RNASEH1: variants seen among roughly 807,000 people sequenced by gnomAD.
The protein encoded by RNASEH1 is ribonuclease H type II.
RNASEH1 carries 27 observed loss-of-function variants against 34.6 expected under a neutral mutation model. The observed-to-expected ratio is 0.78, with a 90% CI of 0.58 to 1.08. RNASEH1 has a LOEUF of 1.08. RNASEH1 is among the 50% of genes least tolerant of loss of function. The pLI, the probability that RNASEH1 is intolerant of heterozygous loss-of-function variation, is 0.00. For synonymous variants in RNASEH1, 162 were observed against 138.4 expected, an observed-to-expected ratio of 1.17 and a Z score of -1.20; for missense variants, 349 against 373.6, an observed-to-expected ratio of 0.93 and a Z score of 0.54.
At chr2:3,552,026 A>G (rs951408272) in intron 3 of RNASEH1, 118 bp downstream of exon 3, 43 of 749,522 alleles carry the variant, frequency 5.7e-5, no homozygotes, top group African/African-American at 4.9e-4. Context: ...ATCTTTACAC[A>G]TAAGAATGAA....
chr2:3,547,830 ATTG>A lies in RNASEH1; in HGVS notation c.774+98_774+100del, dbSNP rs201828086. 593 of 1,137,112 alleles carry A rather than the reference ATTG, an allele frequency of 5.2e-4. 1 individual carries two copies. The East Asian group carries it at 9.7e-3, about 19-fold the overall frequency. 70.4% of individuals were successfully genotyped at this position (1,137,112 alleles called of 1,614,324 possible). The stretch of plus-strand genomic sequence containing the variant: ...ACATTATGATATTAATATCATGGAA[ATTG>A]TTATGTCATTAAACCACTTACATAA... On this transcript the variant is annotated intron_variant, in intron 7 of 7. Coordinates refer to ENST00000315212, the MANE Select transcript of RNASEH1 (RefSeq NM_002936.6).
At chr2:3,553,718 G>T (rs573215766) in intron 2 of RNASEH1, among the ~76,000 whole-genome samples, 18 of 152,256 alleles carry the variant, frequency 1.2e-4, no homozygotes, top group African/African-American at 2.9e-4. Flanking sequence ...CCACCTCAGG[G>T]TTATCTGGGA....
At chr2:3,532,286 A>G in the RNASEH1 span, 2 of 702,390 alleles carry the variant, frequency 2.8e-6, no homozygotes, top group South Asian at 3.0e-5. Flanking sequence ...ACAAAGAAAC[A>G]GTAGATCAGC....
chr2:3,533,042 C>G, the RNASEH1 span: 1 of 152,230 alleles, frequency 6.6e-6, no homozygotes, highest in Non-Finnish European at 1.5e-5. Context: ...AAATGTCACC[C>G]GGGCCTTTTC....
downstream of RNASEH1, among the ~76,000 whole-genome samples, chr2:3,540,672 G>A (rs553171296): frequency 1.3e-5 from 2 of 152,340 alleles, no homozygotes; most frequent in Non-Finnish European, 2.9e-5. Context: ...TTCCCAAAGT[G>A]CTGGGACTAC....
At position 3,541,694 on chromosome 2, in the gene RNASEH1, T is replaced by A. The variant is rs980100319; in HGVS notation, c.*4091A>T. ...TTAGTGAGAGGGAGCAGACCAGTGG[T>A]TGCCTGAACATGGAGGACACGAGGG... On this transcript the variant is annotated 3_prime_UTR_variant, in exon 8 of 8. Transcript: ENST00000315212. Among the ~76,000 whole-genome samples, 18 of 152,298 alleles carry A rather than the reference T, an allele frequency of 1.2e-4. No individual in the cohort carries two copies. In the East Asian group the frequency reaches 1.5e-3, roughly 13 times the overall value.
At chr2:3,550,100 G>A in intron 4 of RNASEH1, 1 of 380,474 alleles carries the variant, frequency 2.6e-6, no homozygotes, top group South Asian at 2.6e-5. Context: ...CTGTGTTTGT[G>A]CCACTGTACT....
downstream of RNASEH1, among the ~76,000 whole-genome samples, chr2:3,538,879 T>A (rs1668137546): frequency 6.6e-6 from 1 of 152,244 alleles, no homozygotes; most frequent in Non-Finnish European, 1.5e-5. Context: ...CCAGGCAGCC[T>A]CAGCAACATA....
At position 3,558,118 on chromosome 2, in the gene RNASEH1, G is replaced by C; in HGVS notation, c.128+15C>G. The C allele has an allele frequency of 6.3e-7, 1 of 1,581,396 alleles. No individual in the cohort carries two copies. Among genetic ancestry groups the C allele is most frequent in the Non-Finnish European group, 8.6e-7 (1 of 1,167,072 alleles). ...GATGCCGGCAGGGAGGCGCCTCGGC[G>C]GGCGGGCCACTCACCAGGTCAGAAA... On this transcript the variant is annotated intron_variant, in intron 1 of 7. Coordinates refer to ENST00000315212, the MANE Select transcript of RNASEH1 (RefSeq NM_002936.6).
downstream of RNASEH1, among the ~76,000 whole-genome samples, chr2:3,540,050 C>T (rs1668207807): frequency 6.6e-6 from 1 of 152,060 alleles, no homozygotes; most frequent in Non-Finnish European, 1.5e-5. Context: ...CGCTCCAGTA[C>T]CGGCAGACAC....
chr2:3,537,158 C>T (rs950976990), downstream of RNASEH1, among the ~76,000 whole-genome samples: 1 of 152,148 alleles, frequency 6.6e-6, no homozygotes, highest in Non-Finnish European at 1.5e-5. Context: ...TGTTGTCTAC[C>T]TAAAAGGAGC....
At chr2:3,536,274 G>A in the RNASEH1 span, among the ~76,000 whole-genome samples, 2 of 152,206 alleles carry the variant, frequency 1.3e-5, no homozygotes, top group Non-Finnish European at 2.9e-5. Context: ...AGAACGGTCG[G>A]CCTAGAGTCA....
At position 3,545,421 on chromosome 2, in the gene RNASEH1, A is replaced by G. The variant is rs187080154; in HGVS notation, c.*364T>C. On this transcript the variant is annotated 3_prime_UTR_variant, in exon 8 of 8. Transcript: ENST00000315212. Reference sequence around the variant, plus strand: ...AAATGGATGCTTTCAGAATACTTCCAGACTTCTGAGTTGCATCTTTTAACC... The same window carrying G: ...AAATGGATGCTTTCAGAATACTTCCGGACTTCTGAGTTGCATCTTTTAACC... 1.6e-3 allele frequency: 359 copies of G among 227,376 alleles called. 2 individuals are homozygous for G. The highest frequency in any genetic ancestry group is 7.4e-3 in the African/African-American group (329 of 44,520). The allele number at this position is 227,376 out of a possible 1,614,324, so 14.1% of individuals were successfully genotyped here.
the RNASEH1 span, chr2:3,534,185 T>C: frequency 6.6e-6 from 1 of 152,312 alleles, no homozygotes; most frequent in Non-Finnish European, 1.5e-5. Context: ...TAGAAGTTTT[T>C]TTCTGCCCTG....
intron 2 of RNASEH1, among the ~76,000 whole-genome samples, 195 bp from the exon 3 acceptor site, chr2:3,552,503 C>A (rs1231016732): frequency 1.7e-5 from 2 of 118,834 alleles, no homozygotes; most frequent in Non-Finnish European, 3.4e-5. Flanking sequence ...GCCATCTCCA[C>A]CCCCTCCACA....
chr2:3,547,836 A>G, intron 7 of RNASEH1, 95 bp downstream of exon 7: 2 of 1,175,682 alleles, frequency 1.7e-6, no homozygotes, highest in Admixed American at 3.7e-5. Context: ...GGAAATTGTT[A>G]TGTCATTAAA....
intron 7 of RNASEH1, 25 bp from the exon 8 acceptor site, chr2:3,545,896 T>C (rs1251091268): frequency 1.3e-6 from 2 of 1,529,418 alleles, no homozygotes; most frequent in Non-Finnish European, 9.1e-7. Context: ...GTTTTCCTTT[T>C]ATTTTTACTC....
chr2:3,553,685 C>T (rs564292374), intron 2 of RNASEH1, among the ~76,000 whole-genome samples: 3 of 152,140 alleles, frequency 2.0e-5, no homozygotes, highest in South Asian at 4.1e-4. Flanking sequence ...CCGCTGCGCC[C>T]GGCCCCAAAG....
chr2:3,555,565 C>G (rs894435972), intron 2 of RNASEH1, among the ~76,000 whole-genome samples: 1 of 152,162 alleles, frequency 6.6e-6, no homozygotes, highest in Non-Finnish European at 1.5e-5. Flanking sequence ...AGGATTGTTA[C>G]GATGATTCGA....
Sources: gnomAD v4.1 joint callset for allele counts (sites outside exome capture counted in the v4.1 genomes callset) on GRCh38, gnomAD v4.1.1 for gene constraint, MANE v1.5 for transcripts, NCBI Gene and HGNC (gene_info 2026-07-23, HGNC 2026-07-21) for gene names.